DPYD: variants seen among roughly 807,000 people sequenced by gnomAD.
DPYD encodes the protein dihydropyrimidine dehydrogenase [NADP(+)].
DPYD carries 109 observed loss-of-function variants against 116.2 expected under a neutral mutation model. The observed-to-expected ratio is 0.94, with a 90% CI of 0.80 to 1.10. The LOEUF (loss-of-function observed/expected upper bound fraction) is 1.10. Among genes scored for constraint, DPYD ranks in the 50% least tolerant of loss-of-function variants. The pLI, the probability that DPYD is intolerant of heterozygous loss-of-function variation, is 0.00. For missense variants in DPYD, 1,302 were observed against 1,254.5 expected (o/e 1.04, Z -0.57); for synonymous variants, 440 against 432.0 (o/e 1.02, Z -0.23).
chr1:97,298,693 C>T (rs1234898441), intron 18 of DPYD, among the ~76,000 whole-genome samples: 1 of 152,092 alleles, frequency 6.6e-6, no homozygotes, highest in African/African-American at 2.4e-5. Flanking sequence ...AGAGTTTGGT[C>T]TGATGCTTAG....
chr1:97,578,697 G>A (rs954510087), intron 10 of DPYD, among the ~76,000 whole-genome samples: 1 of 152,148 alleles, frequency 6.6e-6, no homozygotes, highest in Non-Finnish European at 1.5e-5. Flanking sequence ...AAGTGGAAAA[G>A]GAAAAGCTAA....
intron 13 of DPYD, among the ~76,000 whole-genome samples, chr1:97,496,745 T>C (rs1017121227): frequency 6.6e-6 from 1 of 151,970 alleles, no homozygotes. Flanking sequence ...GCTTCCTCTG[T>C]AGTTTTATAG....
chr1:97,395,822 C>G (rs1023779535), intron 14 of DPYD, among the ~76,000 whole-genome samples: 1 of 151,962 alleles, frequency 6.6e-6, no homozygotes, highest in Non-Finnish European at 1.5e-5. Context: ...TGAAATCCTA[C>G]CAAGACGACA....
chr1:97,405,116 T>C (rs1023127739), intron 14 of DPYD, among the ~76,000 whole-genome samples: 1 of 152,094 alleles, frequency 6.6e-6, no homozygotes, highest in South Asian at 2.1e-4. Flanking sequence ...ACTGCTGTCA[T>C]TCATTGGACT....
At chr1:97,159,252 G>C (rs1655712189) in intron 20 of DPYD, among the ~76,000 whole-genome samples, 1 of 151,978 alleles carries the variant, frequency 6.6e-6, no homozygotes, top group South Asian at 2.1e-4. Context: ...GAAGCAAAAA[G>C]AAATTCTAGA....
intron 8 of DPYD, among the ~76,000 whole-genome samples, chr1:97,647,347 C>T (rs907638386): frequency 3.3e-5 from 5 of 151,860 alleles, no homozygotes; most frequent in Non-Finnish European, 2.9e-5. Flanking sequence ...GAGATGAGTA[C>T]AGAGCCAAAT....
chr1:97,145,319 G>T (rs989756554), intron 20 of DPYD, among the ~76,000 whole-genome samples: 1 of 152,158 alleles, frequency 6.6e-6, no homozygotes, highest in African/African-American at 2.4e-5. Flanking sequence ...AGGCCGTCAA[G>T]TAGCTGTGAT....
chr1:97,455,727 G>T (rs1198659975), intron 13 of DPYD, among the ~76,000 whole-genome samples: 2 of 151,790 alleles, frequency 1.3e-5, no homozygotes, highest in Non-Finnish European at 2.9e-5. Flanking sequence ...TTTTCTTCAT[G>T]AACTAAGTAT....
intron 2 of DPYD, among the ~76,000 whole-genome samples, chr1:97,841,079 T>G (rs556926794): frequency 4.0e-4 from 61 of 152,236 alleles, no homozygotes; most frequent in Middle Eastern, 3.4e-3. Context: ...ATTAAAGTAT[T>G]CTTACAACTT....
At chr1:97,354,065 G>A (rs1487922905) in intron 16 of DPYD, among the ~76,000 whole-genome samples, 2 of 152,146 alleles carry the variant, frequency 1.3e-5, no homozygotes, top group Non-Finnish European at 1.5e-5. Flanking sequence ...ATATATCATA[G>A]AATTGCTGTG....
intron 2 of DPYD, among the ~76,000 whole-genome samples, chr1:97,851,382 A>C (rs546299449): frequency 2.0e-5 from 3 of 151,864 alleles, no homozygotes; most frequent in Non-Finnish European, 4.4e-5. Flanking sequence ...GTAATATGTC[A>C]CTTCATTCTT....
intron 14 of DPYD, among the ~76,000 whole-genome samples, chr1:97,441,081 C>T (rs1353602680): frequency 6.6e-6 from 1 of 152,074 alleles, no homozygotes; most frequent in Non-Finnish European, 1.5e-5. Flanking sequence ...CTGTACAGAA[C>T]ATGTCTTTAT....
chr1:97,785,008 A>C (rs1406048843), intron 3 of DPYD, among the ~76,000 whole-genome samples: 1 of 152,198 alleles, frequency 6.6e-6, no homozygotes, highest in African/African-American at 2.4e-5. Context: ...ATTTTTTATA[A>C]TTTCATGGTG....
At chr1:97,080,658 G>A (rs369202035) in intron 22 of DPYD, among the ~76,000 whole-genome samples, 7 of 151,988 alleles carry the variant, frequency 4.6e-5, no homozygotes, top group African/African-American at 1.7e-4. Flanking sequence ...TCTTCCTTAG[G>A]TACCCTTTTA....
intron 12 of DPYD, among the ~76,000 whole-genome samples, chr1:97,518,955 G>A (rs1295061215): frequency 6.6e-6 from 1 of 152,050 alleles, no homozygotes; most frequent in Non-Finnish European, 1.5e-5. Flanking sequence ...GTACGTTTCT[G>A]TTTATCCATC....
At chr1:97,668,706 A>AT (rs1387376600) in intron 8 of DPYD, among the ~76,000 whole-genome samples, 8 of 152,062 alleles carry the variant, frequency 5.3e-5, no homozygotes, top group African/African-American at 1.9e-4. Context: ...AAGAAGGGCT[A>AT]TTTTTTCCTG....
chr1:97,641,955 T>C (rs551714554), intron 8 of DPYD, among the ~76,000 whole-genome samples: 1 of 152,170 alleles, frequency 6.6e-6, no homozygotes, highest in Non-Finnish European at 1.5e-5. Context: ...TATACACCAA[T>C]AACAGACAAA....
Position 97,110,409 on chromosome 1 carries a change from A to T in DPYD, c.2623-11777T>A, listed in dbSNP as rs570331808. On this transcript the variant is annotated intron_variant, in intron 20 of 22. Coordinates refer to ENST00000370192, the MANE Select transcript of DPYD (RefSeq NM_000110.4). ...AGAGAGGTATCCTATGTCCTTTAAA[A>T]GACTCCACTCATGGACTCCACCTCA... 3.9e-5 allele frequency among the ~76,000 whole-genome samples: 6 copies of T among 152,236 alleles called. No individual in the cohort carries two copies. In the South Asian group the frequency reaches 6.2e-4, roughly 16 times the overall value.
chr1:97,483,977 A>T (rs1678471387), intron 13 of DPYD, among the ~76,000 whole-genome samples: 1 of 152,146 alleles, frequency 6.6e-6, no homozygotes, highest in Non-Finnish European at 1.5e-5. Flanking sequence ...ATGACATCTG[A>T]CTGATATTTT....
Sources: gnomAD v4.1 joint callset for allele counts (sites outside exome capture counted in the v4.1 genomes callset) on GRCh38, gnomAD v4.1.1 for gene constraint, MANE v1.5 for transcripts, NCBI Gene and HGNC (gene_info 2026-07-23, HGNC 2026-07-21) for gene names.